Variants in DNAAF11 observed in about 807,000 individuals in gnomAD.
DNAAF11 encodes the protein dynein axonemal assembly factor 11, also known as leucine rich repeat containing 6.
In DNAAF11, 45 loss-of-function variants were observed where a neutral mutation model predicts 60.8. That is an observed-to-expected ratio of 0.74 (90% CI 0.58 to 0.95). The LOEUF (loss-of-function observed/expected upper bound fraction) is 0.95, where lower values mean the gene tolerates loss of function less well. DNAAF11 is among the 40% of genes least tolerant of loss of function. The pLI, the probability that DNAAF11 is intolerant of heterozygous loss-of-function variation, is 0.00. For synonymous variants in DNAAF11, 191 were observed against 183.5 expected (o/e 1.04, Z -0.33); for missense variants, 546 against 546.2 (o/e 1.00, Z 0.00).
At chr8:132,604,883 G>C (rs1428485768) in intron 10 of DNAAF11, among the ~76,000 whole-genome samples, 1 of 152,004 alleles carries the variant, frequency 6.6e-6, no homozygotes, top group Non-Finnish European at 1.5e-5. Context: ...TAAAATAAGA[G>C]TAATAATGGA....
At chr8:132,677,908 A>C (rs868435713), upstream of DNAAF11, among the ~76,000 whole-genome samples, 2 of 152,214 alleles carry the variant, frequency 1.3e-5, no homozygotes, top group African/African-American at 4.8e-5. Flanking sequence ...AATCCCTTTT[A>C]TAAGGGCATC....
At chr8:132,654,523 C>T (rs144050166) in intron 3 of DNAAF11, among the ~76,000 whole-genome samples, 2 of 151,788 alleles carry the variant, frequency 1.3e-5, no homozygotes, top group East Asian at 3.9e-4. Context: ...AAATGTTGGG[C>T]CATAAAACAA....
intron 3 of DNAAF11, among the ~76,000 whole-genome samples, chr8:132,639,228 G>A (rs1005249721): frequency 1.3e-5 from 2 of 152,172 alleles, no homozygotes; most frequent in Non-Finnish European, 2.9e-5. Context: ...GCTAAGAAGA[G>A]TTGACCTAGT....
At chr8:132,654,321 T>C (rs1823321076) in intron 3 of DNAAF11, among the ~76,000 whole-genome samples, 2 of 151,846 alleles carry the variant, frequency 1.3e-5, no homozygotes, top group African/African-American at 2.4e-5. Context: ...AATTCAACAA[T>C]AATACTTGGA....
At chr8:132,688,780 T>G in the DNAAF11 span, among the ~76,000 whole-genome samples, 1 of 152,226 alleles carries the variant, frequency 6.6e-6, no homozygotes, top group Non-Finnish European at 1.5e-5. Context: ...TTGGACTTTT[T>G]GTATATATGA....
the DNAAF11 span, among the ~76,000 whole-genome samples, chr8:132,702,861 A>G: frequency 0.027 from 4,081 of 152,224 alleles, 188 homozygotes; most frequent in African/African-American, 0.093. Flanking sequence ...CTGCGATGCT[A>G]CTCTTCGAAG....
chr8:132,614,081 C>G (rs753160764), intron 8 of DNAAF11, among the ~76,000 whole-genome samples: 1 of 152,200 alleles, frequency 6.6e-6, no homozygotes, highest in Non-Finnish European at 1.5e-5. Context: ...GCTTCCTGCT[C>G]TGACCACAAA....
intron 10 of DNAAF11, among the ~76,000 whole-genome samples, chr8:132,606,400 C>A (rs1264280011): frequency 6.6e-6 from 1 of 152,042 alleles, no homozygotes; most frequent in East Asian, 1.9e-4. Flanking sequence ...TGATCCTGAC[C>A]CTGTGTAGAC....
rs145904069 is a variant in DNAAF11, at chr8:132,594,905, G to A, written c.1141-11126C>T. ...GAAATTGGTACCAAGAATGGGGGTGGTTTCCCCCATGATGTTCTTGTGATA... is the reference window on the plus strand; with the variant it reads ...GAAATTGGTACCAAGAATGGGGGTGATTTCCCCCATGATGTTCTTGTGATA... On this transcript the variant is annotated intron_variant, in intron 10 of 11. Coordinates refer to ENST00000620350, the MANE Select transcript of DNAAF11 (RefSeq NM_012472.6). 7.1e-3 allele frequency among the ~76,000 whole-genome samples: 1,073 copies of A among 152,092 alleles called. 9 individuals carry two copies. The highest frequency in any genetic ancestry group is 0.011 in the Non-Finnish European group (749 of 67,992).
At chr8:132,701,282 A>G in the DNAAF11 span, among the ~76,000 whole-genome samples, 1 of 152,222 alleles carries the variant, frequency 6.6e-6, no homozygotes, top group Non-Finnish European at 1.5e-5. Context: ...TATTCTTTCA[A>G]TAGCAGCAGT....
At chr8:132,611,406 T>C (rs1271981429) in intron 8 of DNAAF11, 43 bp from the exon 9 acceptor site, 1 of 1,207,672 alleles carries the variant, frequency 8.3e-7, no homozygotes. Flanking sequence ...TTAAAAAATA[T>C]CAAGTTTGAA....
At chr8:132,697,395 A>G in the DNAAF11 span, among the ~76,000 whole-genome samples, 3 of 152,196 alleles carry the variant, frequency 2.0e-5, no homozygotes, top group Admixed American at 1.3e-4. Context: ...AGGTGGGCAG[A>G]TCACTTGAGG....
chr8:132,681,003 C>CTTTTTTTTTTTTT, the DNAAF11 span, among the ~76,000 whole-genome samples: 45 of 52,336 alleles, frequency 8.6e-4, 10 homozygotes, highest in South Asian at 1.9e-3. Context: ...ATAACTATTC[C>CTTTTTTTTTTTTT]TTTTTTTTTT....
intron 11 of DNAAF11, among the ~76,000 whole-genome samples, chr8:132,577,851 G>T (rs945011255): frequency 6.6e-6 from 1 of 151,044 alleles, no homozygotes; most frequent in Non-Finnish European, 1.5e-5. Flanking sequence ...TTTTTTAGTA[G>T]AAATGGGGTT....
At chr8:132,675,770 T>G (rs573542598), upstream of DNAAF11, among the ~76,000 whole-genome samples, 1 of 152,326 alleles carries the variant, frequency 6.6e-6, no homozygotes, top group East Asian at 1.9e-4. Flanking sequence ...ACAGACTGCT[T>G]CCCTCTCCCT....
At chr8:132,691,853 A>T in the DNAAF11 span, among the ~76,000 whole-genome samples, 1,473 of 152,260 alleles carry the variant, frequency 9.7e-3, 33 homozygotes, top group African/African-American at 0.033. Context: ...AGGAAGGCCC[A>T]TGTGGCTGGA....
chr8:132,583,840 T>C, intron 10 of DNAAF11, 61 bp from the exon 11 acceptor site: 1 of 1,056,154 alleles, frequency 9.5e-7, no homozygotes, highest in Non-Finnish European at 1.5e-6. Context: ...CCTTAAAAAA[T>C]ATACATATAT....
At chr8:132,594,236 T>C (rs879425488) in intron 10 of DNAAF11, among the ~76,000 whole-genome samples, 15 of 152,150 alleles carry the variant, frequency 9.9e-5, no homozygotes, top group Non-Finnish European at 1.8e-4. Flanking sequence ...TTCCAGTCAT[T>C]GGCTGAATCA....
At chr8:132,620,982 T>C (rs1302297054) in intron 7 of DNAAF11, among the ~76,000 whole-genome samples, 1 of 152,108 alleles carries the variant, frequency 6.6e-6, no homozygotes, top group Non-Finnish European at 1.5e-5. Context: ...CCAAGACTGA[T>C]AATAGCAGGA....
Sources: allele counts gnomAD v4.1 joint callset (sites outside exome capture counted in the v4.1 genomes callset), GRCh38; gene constraint gnomAD v4.1.1; transcripts MANE v1.5; gene names NCBI Gene and HGNC (gene_info 2026-07-23, HGNC 2026-07-21).